The following ALK variants were observed in gnomAD, a reference collection of about 807,000 sequenced individuals.
ALK encodes ALK tyrosine kinase receptor.
In ALK, 74 loss-of-function variants were observed where a neutral mutation model predicts 163.1. That is an observed-to-expected ratio of 0.45 (90% CI 0.38 to 0.55). The LOEUF is 0.55. Ranked by LOEUF, ALK falls within the 20% of genes least tolerant of loss-of-function variation. The probability of loss-of-function intolerance (pLI) is 0.00; values close to 1 mark genes in which losing one functional copy is unlikely to be tolerated. For synonymous variants in ALK, 960 were observed against 843.2 expected, an observed-to-expected ratio of 1.14 and a Z score of -2.40; for missense variants, 2,063 against 2,105.3, an observed-to-expected ratio of 0.98 and a Z score of 0.39.
At chr2:29,233,191 G>A (rs941135167) in intron 14 of ALK, among the ~76,000 whole-genome samples, 2 of 152,146 alleles carry the variant, frequency 1.3e-5, no homozygotes, top group Non-Finnish European at 2.9e-5. Flanking sequence ...TGCTCAGGCT[G>A]AAGTTCAATG....
intron 6 of ALK, among the ~76,000 whole-genome samples, chr2:29,324,408 A>G (rs1667184913): frequency 6.6e-6 from 1 of 152,226 alleles, no homozygotes; most frequent in Non-Finnish European, 1.5e-5. Context: ...ACATCAAAAT[A>G]TTACAGTTAT....
intron 5 of ALK, among the ~76,000 whole-genome samples, chr2:29,358,660 C>T (rs1284585529): frequency 6.6e-6 from 1 of 152,216 alleles, no homozygotes; most frequent in Non-Finnish European, 1.5e-5. Context: ...TTTACTCTGC[C>T]TGCAAATGCC....
intron 11 of ALK, among the ~76,000 whole-genome samples, chr2:29,253,844 TTAGATAGA>T (rs10539749): frequency 0.057 from 8,164 of 143,534 alleles, 265 homozygotes; most frequent in African/African-American, 0.1. Context: ...TATATCTATA[TTAGATAGA>T]TAGATAGATA....
chr2:29,762,848 A>C (rs1680746793), intron 1 of ALK, among the ~76,000 whole-genome samples: 1 of 152,066 alleles, frequency 6.6e-6, no homozygotes, highest in African/African-American at 2.4e-5. Context: ...CAGCACTTTG[A>C]GAGGCCGAGG....
intron 3 of ALK, among the ~76,000 whole-genome samples, chr2:29,540,581 T>TTTTTG: frequency 1.7e-5 from 1 of 58,222 alleles, no homozygotes; most frequent in Middle Eastern, 8.3e-3. Context: ...AAGAATTATG[T>TTTTTG]TTTTTTTTTT....
At chr2:29,348,091 C>T (rs1664999270) in intron 5 of ALK, among the ~76,000 whole-genome samples, 1 of 152,148 alleles carries the variant, frequency 6.6e-6, no homozygotes, top group African/African-American at 2.4e-5. Context: ...TCTTCAAGGA[C>T]AACAGGGCTG....
At chr2:29,730,658 T>G (rs1206505188) in intron 1 of ALK, among the ~76,000 whole-genome samples, 1 of 152,220 alleles carries the variant, frequency 6.6e-6, no homozygotes, top group Non-Finnish European at 1.5e-5. Context: ...CTTCCTCACC[T>G]TTTTTCATAT....
chr2:29,343,206 A>T (rs1317930157), intron 5 of ALK, among the ~76,000 whole-genome samples: 1 of 60,764 alleles, frequency 1.6e-5, no homozygotes, highest in Non-Finnish European at 4.4e-5. Context: ...TTAAAATTTA[A>T]AAATTTTTTT....
intron 4 of ALK, among the ~76,000 whole-genome samples, chr2:29,440,329 T>G (rs1322416499): frequency 2.6e-5 from 4 of 151,176 alleles, no homozygotes; most frequent in Non-Finnish European, 4.4e-5. Context: ...TTTTTTTTTT[T>G]TTTTTTTGAG....
At chr2:29,221,759 CAG>C (rs934752188) in intron 22 of ALK, among the ~76,000 whole-genome samples, 3 of 152,180 alleles carry the variant, frequency 2.0e-5, no homozygotes, top group African/African-American at 4.8e-5. Flanking sequence ...CCCAGTGTGA[CAG>C]GGGGCCATGA....
intron 2 of ALK, among the ~76,000 whole-genome samples, chr2:29,703,658 AT>A (rs1240817342): frequency 6.6e-6 from 1 of 152,168 alleles, no homozygotes; most frequent in Non-Finnish European, 1.5e-5. Context: ...TAGTATTCCA[AT>A]TGTCAATCTG....
chr2:29,721,687 G>C (rs1190018007), intron 1 of ALK, among the ~76,000 whole-genome samples: 1 of 152,174 alleles, frequency 6.6e-6, no homozygotes, highest in Non-Finnish European at 1.5e-5. Flanking sequence ...CTTCACTTAG[G>C]TGCTAGTCTC....
chr2:29,648,540 C>T (rs1459403167), intron 3 of ALK, among the ~76,000 whole-genome samples: 1 of 152,126 alleles, frequency 6.6e-6, no homozygotes, highest in Non-Finnish European at 1.5e-5. Context: ...TGGCAATCAT[C>T]ATTCTACTGT....
intron 3 of ALK, among the ~76,000 whole-genome samples, chr2:29,585,182 G>A (rs571170644): frequency 4.0e-5 from 6 of 151,750 alleles, no homozygotes; most frequent in Non-Finnish European, 8.8e-5. Flanking sequence ...TTCTTTTTTA[G>A]AATAAGGCAA....
At chr2:29,376,086 C>A (rs1336288605) in intron 5 of ALK, among the ~76,000 whole-genome samples, 1 of 151,962 alleles carries the variant, frequency 6.6e-6, no homozygotes, top group African/African-American at 2.4e-5. Context: ...CCCAAGATAA[C>A]CTCTCCTCCG....
intron 1 of ALK, among the ~76,000 whole-genome samples, chr2:29,788,333 T>C (rs1180328312): frequency 6.6e-6 from 1 of 152,142 alleles, no homozygotes; most frequent in South Asian, 2.1e-4. Flanking sequence ...CAGATTAACA[T>C]GACATTCCTT....
chr2:29,526,677 A>T (rs1307464454), intron 4 of ALK, among the ~76,000 whole-genome samples: 2 of 152,130 alleles, frequency 1.3e-5, no homozygotes, highest in Admixed American at 1.3e-4. Context: ...TTTATTTCTG[A>T]TCTCATTTAT....
intron 3 of ALK, among the ~76,000 whole-genome samples, chr2:29,568,758 C>T (rs1163774360): frequency 6.6e-6 from 1 of 152,198 alleles, no homozygotes; most frequent in East Asian, 1.9e-4. Context: ...AGAAGCTCTT[C>T]TCCCCTTTGG....
At chr2:29,733,613 A>C (rs1679808400) in intron 1 of ALK, among the ~76,000 whole-genome samples, 1 of 152,226 alleles carries the variant, frequency 6.6e-6, no homozygotes, top group Non-Finnish European at 1.5e-5. Context: ...CACTTAGCAC[A>C]ATGCCTAGCT....
Sources: gnomAD v4.1 joint callset for allele counts (sites outside exome capture counted in the v4.1 genomes callset) on GRCh38, gnomAD v4.1.1 for gene constraint, MANE v1.5 for transcripts, NCBI Gene and HGNC (gene_info 2026-07-23, HGNC 2026-07-21) for gene names.